DLG2: variants seen among roughly 807,000 people sequenced by gnomAD.
DLG2 encodes disks large homolog 2.
A neutral mutation model predicts 132.5 loss-of-function variants in DLG2; 45 were observed. The observed-to-expected ratio is 0.34, with a 90% CI of 0.27 to 0.44. The LOEUF (loss-of-function observed/expected upper bound fraction) is 0.44. Among genes scored for constraint, DLG2 ranks in the 20% least tolerant of loss-of-function variants. DLG2 has a pLI of 1.00. For synonymous variants in DLG2, 424 were observed against 419.6 expected (o/e 1.01, Z -0.13); for missense variants, 1,045 against 1,196.9 (o/e 0.87, Z 1.87).
At chr11:84,014,761 C>T (rs1461007595) in intron 11 of DLG2, among the ~76,000 whole-genome samples, 1 of 151,994 alleles carries the variant, frequency 6.6e-6, no homozygotes, top group Admixed American at 6.6e-5. Flanking sequence ...TGTACTTTCT[C>T]TTTCACAATC....
intron 11 of DLG2, among the ~76,000 whole-genome samples, chr11:84,033,275 A>G (rs1212731238): frequency 1.3e-5 from 2 of 152,228 alleles, no homozygotes; most frequent in Non-Finnish European, 2.9e-5. Flanking sequence ...GGAGGCGGTC[A>G]AAGTCTCAAC....
intron 3 of DLG2, among the ~76,000 whole-genome samples, chr11:85,338,988 G>T (rs766687398): frequency 1.2e-4 from 18 of 152,080 alleles, no homozygotes; most frequent in Non-Finnish European, 2.2e-4. Context: ...CACCACGCCC[G>T]GCCATGTGTA....
chr11:84,134,245 C>G (rs2094521991), intron 9 of DLG2, among the ~76,000 whole-genome samples: 1 of 150,684 alleles, frequency 6.6e-6, no homozygotes, highest in African/African-American at 2.4e-5. Context: ...CAATCAGAAA[C>G]TTAGGTAGAA....
At chr11:84,057,688 T>C (rs554842936) in intron 11 of DLG2, among the ~76,000 whole-genome samples, 2 of 152,316 alleles carry the variant, frequency 1.3e-5, no homozygotes, top group South Asian at 4.1e-4. Context: ...AACATGCATA[T>C]GTAGCTAATT....
rs553704430 is a variant in DLG2, at chr11:84,468,903, T to C, written c.519+65667A>G. ...TAGAGCAGGGAGACTCATTGACTAA[T>C]GTAAGGAATTAGTAGGAAATTAGAA... On this transcript the variant is annotated intron_variant, in intron 7 of 27. Coordinates refer to ENST00000376104, the MANE Select transcript of DLG2 (RefSeq NM_001142699.3). 9.2e-5 allele frequency among the ~76,000 whole-genome samples: 14 copies of C among 151,658 alleles called. No homozygotes were observed. The South Asian group carries it at 2.7e-3, about 29-fold the overall frequency.
At chr11:83,475,448 G>A (rs1048878529) in intron 22 of DLG2, among the ~76,000 whole-genome samples, 7 of 151,952 alleles carry the variant, frequency 4.6e-5, no homozygotes, top group Middle Eastern at 3.2e-3. Context: ...ATGTTAATGA[G>A]CCCTGATTCC....
intron 3 of DLG2, among the ~76,000 whole-genome samples, chr11:85,580,578 T>G (rs1366995872): frequency 6.6e-6 from 1 of 152,234 alleles, no homozygotes; most frequent in East Asian, 1.9e-4. Context: ...TAATTTATTT[T>G]TCCTGACAGC....
At chr11:85,206,021 G>A (rs1280275923) in intron 4 of DLG2, among the ~76,000 whole-genome samples, 1 of 152,154 alleles carries the variant, frequency 6.6e-6, no homozygotes, top group Non-Finnish European at 1.5e-5. Flanking sequence ...TGGAGGTGGG[G>A]ACGGGTGGGA....
intron 6 of DLG2, among the ~76,000 whole-genome samples, chr11:84,939,243 TTAAAAA>T (rs1165992056): frequency 1.3e-5 from 2 of 152,116 alleles, no homozygotes; most frequent in African/African-American, 4.8e-5. Flanking sequence ...ACAACAGATC[TTAAAAA>T]TAAATATTTA....
intron 6 of DLG2, among the ~76,000 whole-genome samples, chr11:84,538,686 C>T (rs543002033): frequency 6.7e-4 from 102 of 151,794 alleles, no homozygotes; most frequent in Non-Finnish European, 1.3e-3. Flanking sequence ...TGATGTAAGA[C>T]TTGGATGAAG....
At chr11:85,373,524 G>A (rs1387851605) in intron 3 of DLG2, among the ~76,000 whole-genome samples, 2 of 152,142 alleles carry the variant, frequency 1.3e-5, no homozygotes, top group Non-Finnish European at 2.9e-5. Flanking sequence ...AGTCAGATGG[G>A]AAAGAGTCCC....
At chr11:85,334,820 G>A (rs554361490) in intron 3 of DLG2, among the ~76,000 whole-genome samples, 1 of 152,126 alleles carries the variant, frequency 6.6e-6, no homozygotes, top group African/African-American at 2.4e-5. Flanking sequence ...TTATTAAATT[G>A]TAGAGAACTG....
intron 7 of DLG2, among the ~76,000 whole-genome samples, chr11:84,461,319 A>G (rs72943709): frequency 0.02 from 2,998 of 150,990 alleles, 39 homozygotes; most frequent in South Asian, 0.035. Context: ...AATGAATGCC[A>G]CACATGGAAC....
rs187318261 is a variant in DLG2 at position 85,335,927 on chromosome 11, C to G, written c.41-50562G>C. 2.6e-5 allele frequency: 4 copies of G among 152,186 alleles called. No homozygotes were observed. In the East Asian group the frequency reaches 7.7e-4, roughly 29 times the overall value. 9.4% of individuals were successfully genotyped at this position (152,186 alleles called of 1,614,324 possible). ...ACCTGCATGTTCTGCACATGTACCC[C>G]AGAACTTAAAGTATAATAAAAAAAA... On this transcript the variant is annotated intron_variant, in intron 3 of 27. Transcript: ENST00000376104.
intron 4 of DLG2, among the ~76,000 whole-genome samples, chr11:85,204,438 T>C (rs184872243): frequency 3.9e-4 from 60 of 152,064 alleles, no homozygotes; most frequent in African/African-American, 1.3e-3. Flanking sequence ...TTAACAATAG[T>C]TACCAAATAA....
chr11:83,934,745 A>G (rs547988730), intron 14 of DLG2, among the ~76,000 whole-genome samples: 7 of 152,246 alleles, frequency 4.6e-5, no homozygotes, highest in Admixed American at 2.0e-4. Context: ...ATTAATTCAC[A>G]ATGCTCTCTC....
Position 84,937,371 on chromosome 11 carries a change from G to A in DLG2, c.357+174290C>T, listed in dbSNP as rs137962211. On this transcript the variant is annotated intron_variant, in intron 6 of 27. Coordinates refer to ENST00000376104, the MANE Select transcript of DLG2 (RefSeq NM_001142699.3). ...GCCACTGGGGTTAAACAAACTGCTA[G>A]GTCATACCAGACCAAAAAAAAAAAA... Among the ~76,000 whole-genome samples, 227 of 135,276 alleles carry A rather than the reference G, an allele frequency of 1.7e-3. 1 individual carries two copies. The highest frequency in any genetic ancestry group is 7.5e-3 in the Middle Eastern group (2 of 266). 88.7% of individuals were successfully genotyped at this position (135,276 alleles called of 152,430 possible). A position where few individuals can be genotyped will look rare whatever the true frequency, so the allele number is the denominator to read the frequency against.
intron 9 of DLG2, among the ~76,000 whole-genome samples, chr11:84,131,970 A>G (rs1370662123): frequency 6.6e-6 from 1 of 151,890 alleles, no homozygotes; most frequent in African/African-American, 2.4e-5. Context: ...CATAAACTAC[A>G]AAACGTTTGA....
chr11:85,040,015 G>A (rs1040345624), intron 6 of DLG2, among the ~76,000 whole-genome samples: 7 of 151,856 alleles, frequency 4.6e-5, no homozygotes, highest in Non-Finnish European at 7.4e-5. Flanking sequence ...GGAGAAGCAG[G>A]TGAATCCGGA....
Sources: gnomAD v4.1 joint callset for allele counts (sites outside exome capture counted in the v4.1 genomes callset) on GRCh38, gnomAD v4.1.1 for gene constraint, MANE v1.5 for transcripts, NCBI Gene and HGNC (gene_info 2026-07-23, HGNC 2026-07-21) for gene names.